Variants in XK observed in about 807,000 individuals in gnomAD.
XK encodes the protein endoplasmic reticulum membrane adapter protein XK.
Under a neutral mutation model 14.0 loss-of-function variants are expected in XK, and 2 were observed. The observed-to-expected ratio is 0.14, with a 90% CI of 0.06 to 0.45. The LOEUF is 0.45. XK is among the 20% of genes least tolerant of loss of function. The probability of loss-of-function intolerance (pLI) is 0.98; values close to 1 mark genes in which losing one functional copy is unlikely to be tolerated. For synonymous variants in XK, 149 were observed against 147.5 expected (o/e 1.01, Z -0.08); for missense variants, 235 against 341.5 (o/e 0.69, Z 2.46).
intron 2 of XK, among the ~76,000 whole-genome samples, chrX:37,722,475 A>G (rs1402725520): frequency 9.0e-6 from 1 of 111,121 alleles, no homozygotes; most frequent in Non-Finnish European, 1.9e-5. Flanking sequence ...CGTAAGAAAG[A>G]CTCTTTGTTC....
Position 37,715,458 on chromosome X carries a change from G to T in XK, c.509-12178G>T, listed in dbSNP as rs782417911. Among the ~76,000 whole-genome samples, 31 of 111,774 alleles carry T rather than the reference G, an allele frequency of 2.8e-4. 1 individual carries two copies. The highest frequency in any genetic ancestry group is 8.6e-4 in the Admixed American group (9 of 10,520). On this transcript the variant is annotated intron_variant, in intron 2 of 2. Coordinates refer to ENST00000378616, the MANE Select transcript of XK (RefSeq NM_021083.4). ...AGTTTTGAGAACTATACACATTGATGAATGTAAACTTAGTTTATTCATTTT... is the reference window on the plus strand; with the variant it reads ...AGTTTTGAGAACTATACACATTGATTAATGTAAACTTAGTTTATTCATTTT...
At chrX:37,716,404 T>G (rs1927766442) in intron 2 of XK, among the ~76,000 whole-genome samples, 1 of 111,890 alleles carries the variant, frequency 8.9e-6, no homozygotes, top group Admixed American at 9.5e-5. Flanking sequence ...GAAGATAGAT[T>G]GGGAGGAAAA....
chrX:37,692,485 T>A (rs1451811697), intron 1 of XK, among the ~76,000 whole-genome samples: 1 of 112,056 alleles, frequency 8.9e-6, no homozygotes, highest in African/African-American at 3.2e-5. Context: ...GGCGCAATCT[T>A]CGCCTCTTGT....
chrX:37,726,720 A>G (rs911074505), intron 2 of XK, among the ~76,000 whole-genome samples: 12 of 112,205 alleles, frequency 1.1e-4, no homozygotes, highest in Non-Finnish European at 1.5e-4. Context: ...CCCATTACCC[A>G]TAAGTCATTT....
chrX:37,709,111 A>T (rs914960007), intron 2 of XK, among the ~76,000 whole-genome samples: 14 of 112,098 alleles, frequency 1.2e-4, no homozygotes, highest in African/African-American at 4.5e-4. Flanking sequence ...ATTTAATTCC[A>T]CAGTGTGGCA....
intron 1 of XK, 140 bp from the exon 2 acceptor site, chrX:37,694,146 T>C (rs1329408410): frequency 6.6e-6 from 5 of 758,180 alleles, no homozygotes; most frequent in Non-Finnish European, 9.7e-6. Flanking sequence ...GTCCTTGGAG[T>C]AGTTGATTTA....
At chrX:37,703,091 G>T (rs1556444190) in intron 2 of XK, among the ~76,000 whole-genome samples, 1 of 111,947 alleles carries the variant, frequency 8.9e-6, no homozygotes, top group African/African-American at 3.3e-5. Flanking sequence ...TAACTGACTG[G>T]TAACAGATAT....
Position 37,727,945 on chromosome X carries a change from G to C in XK, c.818G>C (p.Arg273Thr). ...FPENIEKALSRVGTTIVLCFL... is the reference protein window; with the variant it reads ...FPENIEKALSTVGTTIVLCFL... Reference sequence around the variant, plus strand: ...GAGAACATAGAGAAGGCCCTCAGTAGAGTGGGCACCACCATTGTACTATGC... The same window carrying C: ...GAGAACATAGAGAAGGCCCTCAGTACAGTGGGCACCACCATTGTACTATGC... Residue 273 changes from arginine (R) to threonine (T), a missense_variant, in exon 3 of 3, where the codon AGA becomes ACA. By Grantham distance (71) the Arg-to-Thr change is moderately conservative (BLOSUM62 -1). Coordinates refer to ENST00000378616, the MANE Select transcript of XK (RefSeq NM_021083.4). The C allele has an allele frequency of 5.0e-6, 6 of 1,211,102 alleles. No individual in the cohort carries two copies. Among genetic ancestry groups the C allele is most frequent in the Non-Finnish European group, 6.7e-6 (6 of 895,199 alleles).
At chrX:37,713,913 C>T (rs1208265579) in intron 2 of XK, among the ~76,000 whole-genome samples, 1 of 111,979 alleles carries the variant, frequency 8.9e-6, no homozygotes, top group African/African-American at 3.2e-5. Flanking sequence ...GGATCATCTT[C>T]CTTGAACACA....
At chrX:37,687,560 A>G (rs1927109791) in intron 1 of XK, among the ~76,000 whole-genome samples, 1 of 109,369 alleles carries the variant, frequency 9.1e-6, no homozygotes, top group Non-Finnish European at 1.9e-5. Flanking sequence ...AGTTCTCTCT[A>G]TGTTGCCCAG....
intron 2 of XK, among the ~76,000 whole-genome samples, chrX:37,707,409 CA>C (rs1927556257): frequency 1.9e-5 from 2 of 105,567 alleles, no homozygotes; most frequent in African/African-American, 7.0e-5. Flanking sequence ...ACTTCTCAGA[CA>C]GGGTGGCTGC....
At chrX:37,717,984 G>A (rs1439620758) in intron 2 of XK, among the ~76,000 whole-genome samples, 1 of 111,778 alleles carries the variant, frequency 8.9e-6, no homozygotes, top group Non-Finnish European at 1.9e-5. Flanking sequence ...TGAAATGATA[G>A]TCCTTTTTGC....
chrX:37,724,627 T>C (rs781940021), intron 2 of XK, among the ~76,000 whole-genome samples: 19 of 111,302 alleles, frequency 1.7e-4, no homozygotes, highest in Non-Finnish European at 3.2e-4. Context: ...GCATGATCCA[T>C]AAAAGAAAGA....
chrX:37,687,864 T>TG (rs2146807544), intron 1 of XK, among the ~76,000 whole-genome samples: 1 of 109,540 alleles, frequency 9.1e-6, no homozygotes, highest in South Asian at 4.0e-4. Flanking sequence ...GGGAAGAGTC[T>TG]GGGGAAAAAG....
rs1296353754 is a variant in XK, at chrX:37,730,217, A to G, written c.*1755A>G. ...TCAAGACTATGTTCTCCATCCCAAC[A>G]CATCACTTACCACTTGCACTATTCT... is the stretch of plus-strand genomic sequence containing the variant. On this transcript the variant is annotated 3_prime_UTR_variant, in exon 3 of 3. Transcript: ENST00000378616. 1 of 111,926 alleles carries G rather than the reference A, an allele frequency of 8.9e-6. No homozygotes were observed. The highest frequency in any genetic ancestry group is 3.2e-5 in the African/African-American group (1 of 30,815). The allele number at this position is 111,926 out of a possible 1,213,427, so 9.2% of individuals were successfully genotyped here. A position where few individuals can be genotyped will look rare whatever the true frequency, so the allele number is the denominator to read the frequency against.
At chrX:37,709,901 G>A (rs939324532) in intron 2 of XK, among the ~76,000 whole-genome samples, 1 of 111,763 alleles carries the variant, frequency 8.9e-6, no homozygotes, top group African/African-American at 3.3e-5. Context: ...AGAGTTTGTA[G>A]CTTCAATTCT....
intron 2 of XK, among the ~76,000 whole-genome samples, chrX:37,703,569 A>T (rs1206948010): frequency 1.8e-5 from 2 of 112,051 alleles, no homozygotes; most frequent in Non-Finnish European, 3.8e-5. Flanking sequence ...AAATAGTTCT[A>T]TGGAAAATGG....
chrX:37,707,672 A>G (rs1459693226), intron 2 of XK, among the ~76,000 whole-genome samples: 1 of 109,271 alleles, frequency 9.2e-6, no homozygotes, highest in Non-Finnish European at 1.9e-5. Flanking sequence ...GACGCTCCTC[A>G]CTTCCTAGAT....
chrX:37,710,542 T>A (rs1397412610), intron 2 of XK, among the ~76,000 whole-genome samples: 1 of 111,893 alleles, frequency 8.9e-6, no homozygotes, highest in Admixed American at 9.5e-5. Flanking sequence ...ACACCTGTAA[T>A]CTCAGCACTC....
Sources: gnomAD v4.1 joint callset for allele counts (sites outside exome capture counted in the v4.1 genomes callset) on GRCh38, gnomAD v4.1.1 for gene constraint, MANE v1.5 for transcripts, NCBI Gene and HGNC (gene_info 2026-07-23, HGNC 2026-07-21) for gene names.